The following ACACA variants were observed in gnomAD, a reference collection of about 807,000 sequenced individuals.
ACACA encodes acetyl-CoA carboxylase alpha, also known as acetyl-CoA carboxylase 1.
A neutral mutation model predicts 296.1 loss-of-function variants in ACACA; 103 were observed. The observed-to-expected ratio is 0.35, with a 90% CI of 0.30 to 0.41. The LOEUF (loss-of-function observed/expected upper bound fraction) is 0.41. ACACA is among the 10% of genes least tolerant of loss of function. The pLI is 1.00. For synonymous variants in ACACA, 953 were observed against 1,038.6 expected, an observed-to-expected ratio of 0.92 and a Z score of 1.58; for missense variants, 1,554 against 2,989.7, an observed-to-expected ratio of 0.52 and a Z score of 11.20.
At position 37,270,743 on chromosome 17, in the gene ACACA, T is replaced by C; in HGVS notation, c.1119+8A>G. On this transcript the variant is annotated splice_region_variant and intron_variant, in intron 10 of 55. Transcript: ENST00000616317. ...AGTTCAAACAAACAAAAACAGCTTA[T>C]ACTCTACCTGTCTGAAGAGATTAGG... 6.3e-7 allele frequency: 1 copy of C among 1,597,720 alleles called. No homozygotes were observed. The highest frequency in any genetic ancestry group is 8.6e-7 in the Non-Finnish European group (1 of 1,165,132).
chr17:37,207,731 C>T lies in ACACA; in HGVS notation c.3777G>A (p.Leu1259=). 1 of 1,613,990 alleles carries T rather than the reference C, an allele frequency of 6.2e-7. No homozygotes were observed. The highest frequency in any genetic ancestry group is 1.1e-5 in the South Asian group (1 of 91,076). ...GACAAGGTGGAGTGAATGAGTTGTC[C>T]AACAGTACATCGCTGACACTAGCTA... ...THVASVSDVL[L]DNSFTPPCQR... The change falls in exon 31 of 56, where the codon TTG becomes TTA. Residue 1259 remains leucine (L), a synonymous_variant. Coordinates refer to ENST00000616317, the MANE Select transcript of ACACA (RefSeq NM_198834.3).
intron 1 of ACACA, among the ~76,000 whole-genome samples, chr17:37,389,947 T>A (rs1029744053): frequency 4.7e-5 from 7 of 149,276 alleles, no homozygotes; most frequent in Non-Finnish European, 1.0e-4. Flanking sequence ...GGGCCCCATA[T>A]AAACTGAATC....
intron 52 of ACACA, among the ~76,000 whole-genome samples, chr17:37,101,105 A>AG (rs2073341050): frequency 6.6e-6 from 1 of 151,800 alleles, no homozygotes; most frequent in Non-Finnish European, 1.5e-5. Context: ...AAAAAAAAAA[A>AG]GGCAAGAGGT....
chr17:37,102,378 A>C lies in ACACA; in HGVS notation c.6566-4394T>G, dbSNP rs1242640347. On this transcript the variant is annotated intron_variant, in intron 52 of 55. Coordinates refer to ENST00000616317, the MANE Select transcript of ACACA (RefSeq NM_198834.3). ...CGTCACCAAGCCTGACTGATTTTTG[A>C]ATTTTTCATAGAGATTTGGTTTTAC... Among the ~76,000 whole-genome samples, 4 of 151,652 alleles carry C rather than the reference A, an allele frequency of 2.6e-5. No individual in the cohort carries two copies. The South Asian group carries it at 8.4e-4, about 32-fold the overall frequency.
intron 2 of ACACA, among the ~76,000 whole-genome samples, chr17:37,337,426 A>AG (rs2048173838): frequency 6.8e-6 from 1 of 146,966 alleles, no homozygotes. Context: ...AAAAAAAAAA[A>AG]AAAAAAGAAA....
intron 54 of ACACA, among the ~76,000 whole-genome samples, chr17:37,092,036 C>T (rs981665139): frequency 6.6e-6 from 1 of 152,006 alleles, no homozygotes; most frequent in South Asian, 2.1e-4. Flanking sequence ...GCCTGTTATC[C>T]CAGCAATTTG....
intron 5 of ACACA, among the ~76,000 whole-genome samples, chr17:37,279,637 C>T (rs1173593789): frequency 2.1e-5 from 3 of 140,948 alleles, no homozygotes; most frequent in Non-Finnish European, 4.5e-5. Context: ...CAGAGCAAGA[C>T]TCCGTCTAAA....
At chr17:37,102,659 G>T (rs750141594) in intron 52 of ACACA, among the ~76,000 whole-genome samples, 1 of 152,200 alleles carries the variant, frequency 6.6e-6, no homozygotes, top group African/African-American at 2.4e-5. Context: ...TTTGTTGTTC[G>T]CAAGGAGTTA....
intron 1 of ACACA, chr17:37,385,890 C>A: frequency 1.5e-6 from 1 of 645,436 alleles, no homozygotes. Context: ...TATGGACAGA[C>A]AGGTTAATGG....
chr17:37,122,583 G>A lies in ACACA; in HGVS notation c.6086C>T (p.Thr2029Ile). Residue 2029 changes from threonine to isoleucine, a missense_variant, in exon 49 of 56, where the codon ACA (threonine) becomes ATA (isoleucine). Around this residue, in one of 16 missense-constraint regions of ACACA, gnomAD observed 553 missense variants for 1,043.6 expected, o/e 0.53. Transcript: ENST00000616317. ...ATCAGCTGGGATACTTAGTTCTACT[G>A]TTCGGGTTTCTACAGCAACAACTCC... ...PVGVVAVETR[T>I]VELSIPADPA... 1 of 1,614,220 alleles carries A rather than the reference G, an allele frequency of 6.2e-7. No homozygotes were observed. The highest frequency in any genetic ancestry group is 8.5e-7 in the Non-Finnish European group (1 of 1,180,042).
At chr17:37,247,424 A>T (rs1598303735) in intron 18 of ACACA, among the ~76,000 whole-genome samples, 4 of 147,674 alleles carry the variant, frequency 2.7e-5, no homozygotes, top group African/African-American at 1.0e-4. Flanking sequence ...CTGGAGTGCA[A>T]TGGCGTGATC....
intron 41 of ACACA, among the ~76,000 whole-genome samples, chr17:37,164,536 TACTC>T (rs925430398): frequency 2.0e-5 from 3 of 152,186 alleles, no homozygotes; most frequent in African/African-American, 4.8e-5. Context: ...GATAAGGTAT[TACTC>T]TATCTACTCA....
intron 1 of ACACA, among the ~76,000 whole-genome samples, chr17:37,356,175 TAATAA>T (rs1006718741): frequency 6.6e-6 from 1 of 151,956 alleles, no homozygotes; most frequent in Admixed American, 6.6e-5. Flanking sequence ...CTCCAAAAAA[TAATAA>T]AATAAAATTA....
At position 37,326,827 on chromosome 17, in the gene ACACA, T is replaced by TA. The variant is rs1039728904; in HGVS notation, c.338+3345dup. Among the ~76,000 whole-genome samples the TA allele has an allele frequency of 5.3e-3, 746 of 140,522 alleles. 2 individuals carry two copies. The highest frequency in any genetic ancestry group is 8.6e-3 in the Non-Finnish European group (552 of 64,172). The allele number at this position is 140,522 out of a possible 152,430, so 92.2% of individuals were successfully genotyped here. A position where few individuals can be genotyped will look rare whatever the true frequency, so the allele number is the denominator to read the frequency against. On this transcript the variant is annotated intron_variant, in intron 3 of 55. Transcript: ENST00000616317. ...CTGGGCGACAGAGCGAGTCTCCCTC[T>TA]AAAAAAAAAAAAGAAAGAAAGAAAA...
chr17:37,312,158 G>C (rs1416936662), intron 3 of ACACA, among the ~76,000 whole-genome samples: 1 of 152,148 alleles, frequency 6.6e-6, no homozygotes, highest in Non-Finnish European at 1.5e-5. Flanking sequence ...TGGCATTTCA[G>C]TAAGGATACA....
Position 37,263,898 on chromosome 17 carries a change from T to A in ACACA, c.1120-4A>T. Reference sequence around the variant, plus strand: ...ATCCAGGAACTTCAGCTTGAACCTGTATTAGAAAAGGGGGAAAAAAAAAAC... The same window carrying A: ...ATCCAGGAACTTCAGCTTGAACCTGAATTAGAAAAGGGGGAAAAAAAAAAC... On this transcript the variant is annotated splice_polypyrimidine_tract_variant and splice_region_variant and intron_variant, in intron 10 of 55. Coordinates refer to ENST00000616317, the MANE Select transcript of ACACA (RefSeq NM_198834.3). 2 of 1,612,712 alleles carry A rather than the reference T, an allele frequency of 1.2e-6. No homozygotes were observed. The highest frequency in any genetic ancestry group is 1.7e-6 in the Non-Finnish European group (2 of 1,179,316).
chr17:37,307,396 G>A lies in ACACA; in HGVS notation c.339-22426C>T, dbSNP rs188025968. ...TCCTTGCTAACACTTGATATTGCTC[G>A]TTTTTTAATTTTACCTTTTTTGGTT... On this transcript the variant is annotated intron_variant, in intron 3 of 55. Transcript: ENST00000616317. 1.5e-3 allele frequency among the ~76,000 whole-genome samples: 223 copies of A among 152,158 alleles called. 1 individual carries two copies. Among genetic ancestry groups the A allele is most frequent in the Admixed American group, 4.1e-3 (63 of 15,278 alleles).
chr17:37,167,091 C>T (rs1458509639), intron 41 of ACACA, among the ~76,000 whole-genome samples: 1 of 148,378 alleles, frequency 6.7e-6, no homozygotes, highest in Non-Finnish European at 1.5e-5. Flanking sequence ...ATTACAGGTG[C>T]ATGCCACCAG....
intron 1 of ACACA, chr17:37,345,107 C>T (rs958498324): frequency 2.6e-5 from 4 of 152,278 alleles, no homozygotes; most frequent in African/African-American, 4.8e-5. Context: ...AGGCTGGAGT[C>T]CAGTGGCATG....
Sources: gnomAD v4.1 joint callset for allele counts (sites outside exome capture counted in the v4.1 genomes callset) on GRCh38, gnomAD v4.1.1 for gene constraint, gnomAD v4.1.1 regional missense constraint, MANE v1.5 for transcripts, NCBI Gene and HGNC (gene_info 2026-07-23, HGNC 2026-07-21) for gene names.